The following PLCB4 variants were observed in gnomAD, a reference collection of about 807,000 sequenced individuals.
PLCB4 encodes 1-phosphatidylinositol 4,5-bisphosphate phosphodiesterase beta-4.
In PLCB4, 77 loss-of-function variants were observed where a neutral mutation model predicts 178.8. That is an observed-to-expected ratio of 0.43 (90% CI 0.36 to 0.52). The LOEUF is 0.52. Among genes scored for constraint, PLCB4 ranks in the 20% least tolerant of loss-of-function variants. The pLI is 0.00. For missense variants in PLCB4, 1,024 were observed against 1,453.4 expected, an observed-to-expected ratio of 0.70 and a Z score of 4.80; for synonymous variants, 496 against 490.8, an observed-to-expected ratio of 1.01 and a Z score of -0.14.
intron 35 of PLCB4, among the ~76,000 whole-genome samples, chr20:9,467,187 C>A (rs1050054395): frequency 2.6e-5 from 4 of 152,120 alleles, no homozygotes; most frequent in Non-Finnish European, 4.4e-5. Context: ...GGACAGAAAA[C>A]CAAACACCGT....
At chr20:9,110,400 T>G (rs2091531968) in intron 2 of PLCB4, among the ~76,000 whole-genome samples, 1 of 152,186 alleles carries the variant, frequency 6.6e-6, no homozygotes, top group Non-Finnish European at 1.5e-5. Flanking sequence ...AAGCTATCAT[T>G]TCTCCTCTAT....
At chr20:9,341,273 G>A (rs1226170125) in intron 7 of PLCB4, among the ~76,000 whole-genome samples, 1 of 152,012 alleles carries the variant, frequency 6.6e-6, no homozygotes, top group Admixed American at 6.6e-5. Context: ...AACAATGTGG[G>A]GGTTAGAGCT....
At chr20:9,234,102 T>A (rs2093965454) in intron 3 of PLCB4, among the ~76,000 whole-genome samples, 1 of 152,046 alleles carries the variant, frequency 6.6e-6, no homozygotes, top group East Asian at 1.9e-4. Flanking sequence ...ATGAGTTGGA[T>A]ACAGATGGTA....
intron 2 of PLCB4, among the ~76,000 whole-genome samples, chr20:9,138,747 T>C (rs534497263): frequency 6.6e-6 from 1 of 152,270 alleles, no homozygotes. Flanking sequence ...ATTTGTGCCT[T>C]ATTCCTTCTA....
chr20:9,471,741 T>G (rs1440340124), intron 36 of PLCB4, among the ~76,000 whole-genome samples: 1 of 152,128 alleles, frequency 6.6e-6, no homozygotes, highest in Non-Finnish European at 1.5e-5. Flanking sequence ...AGTCTGATAG[T>G]ACTAAGAGTG....
At chr20:9,179,654 ACT>A (rs769465273) in intron 2 of PLCB4, among the ~76,000 whole-genome samples, 8 of 152,206 alleles carry the variant, frequency 5.3e-5, no homozygotes, top group Non-Finnish European at 1.0e-4. Context: ...GTCATTTGAT[ACT>A]GAGTTAAGTA....
chr20:9,257,224 A>T (rs547602910), intron 3 of PLCB4, among the ~76,000 whole-genome samples: 1 of 152,308 alleles, frequency 6.6e-6, no homozygotes, highest in South Asian at 2.1e-4. Flanking sequence ...TCTTTGGTGT[A>T]GACTACCATA....
intron 28 of PLCB4, among the ~76,000 whole-genome samples, chr20:9,433,174 A>T (rs1331089862): frequency 1.3e-5 from 2 of 152,162 alleles, no homozygotes; most frequent in Non-Finnish European, 2.9e-5. Context: ...GCAAGCTGCC[A>T]CCTCCTGAGC....
At chr20:9,357,800 T>C (rs1313243192) in intron 7 of PLCB4, among the ~76,000 whole-genome samples, 1 of 152,214 alleles carries the variant, frequency 6.6e-6, no homozygotes, top group Non-Finnish European at 1.5e-5. Context: ...AATAAATTTC[T>C]GTTGCTTATA....
At chr20:9,248,572 A>G (rs2094148164) in intron 3 of PLCB4, among the ~76,000 whole-genome samples, 1 of 152,222 alleles carries the variant, frequency 6.6e-6, no homozygotes, top group African/African-American at 2.4e-5. Context: ...CTTTTGTGTC[A>G]GATTAACTTA....
At chr20:9,406,006 A>T (rs1437268201) in intron 21 of PLCB4, among the ~76,000 whole-genome samples, 1 of 152,210 alleles carries the variant, frequency 6.6e-6, no homozygotes, top group Non-Finnish European at 1.5e-5. Context: ...TAAACTTGAA[A>T]GAATTATGAA....
intron 6 of PLCB4, among the ~76,000 whole-genome samples, chr20:9,338,546 A>C (rs943176524): frequency 6.6e-6 from 1 of 151,730 alleles, no homozygotes; most frequent in Non-Finnish European, 1.5e-5. Context: ...GTGTGTTAGC[A>C]TGTGCCTGTA....
intron 4 of PLCB4, among the ~76,000 whole-genome samples, chr20:9,311,484 G>C (rs1218561821): frequency 6.6e-6 from 1 of 152,134 alleles, no homozygotes; most frequent in Admixed American, 6.5e-5. Context: ...CCAACCAGGA[G>C]TGTCTCTCTT....
intron 3 of PLCB4, among the ~76,000 whole-genome samples, chr20:9,249,114 T>G (rs2094154231): frequency 6.6e-6 from 1 of 152,240 alleles, no homozygotes. Flanking sequence ...TAAGGACTTT[T>G]GTACCTTTGT....
chr20:9,377,351 T>C (rs1002665826), intron 12 of PLCB4, among the ~76,000 whole-genome samples: 3 of 152,166 alleles, frequency 2.0e-5, no homozygotes, highest in Admixed American at 2.0e-4. Context: ...TGTGAAACAT[T>C]CACCTCACTG....
chr20:9,358,082 G>C (rs951125283), intron 7 of PLCB4, among the ~76,000 whole-genome samples: 1 of 152,302 alleles, frequency 6.6e-6, no homozygotes, highest in African/African-American at 2.4e-5. Flanking sequence ...CCTTTGAGTA[G>C]TAAGGGTTTG....
intron 35 of PLCB4, among the ~76,000 whole-genome samples, chr20:9,461,679 G>A (rs2043404906): frequency 2.6e-5 from 4 of 152,230 alleles, no homozygotes; most frequent in Admixed American, 6.5e-5. Flanking sequence ...AGATCGAACC[G>A]TGAGGCAGCA....
chr20:9,242,747 A>T (rs558992449), intron 3 of PLCB4, among the ~76,000 whole-genome samples: 1 of 152,126 alleles, frequency 6.6e-6, no homozygotes, highest in Admixed American at 6.6e-5. Flanking sequence ...TGGACCCTGG[A>T]TGAGCAGTAT....
chr20:9,301,568 G>A (rs1164466422), intron 3 of PLCB4, among the ~76,000 whole-genome samples: 3 of 152,020 alleles, frequency 2.0e-5, no homozygotes, highest in Non-Finnish European at 4.4e-5. Flanking sequence ...GACAGAGTAG[G>A]CCAAGAAAAC....
Sources: gnomAD v4.1 joint callset for allele counts (sites outside exome capture counted in the v4.1 genomes callset) on GRCh38, gnomAD v4.1.1 for gene constraint, MANE v1.5 for transcripts, NCBI Gene and HGNC (gene_info 2026-07-23, HGNC 2026-07-21) for gene names.